ZNF599: variants seen among roughly 807,000 people sequenced by gnomAD.
ZNF599 encodes the protein zinc finger protein 599.
ZNF599 carries 10 observed loss-of-function variants against 11.7 expected under a neutral mutation model. That is an observed-to-expected ratio of 0.86 (90% CI 0.53 to 1.45). The LOEUF is 1.45. Among genes scored for constraint, ZNF599 ranks in the 40% most tolerant of loss-of-function variants. The pLI is 0.00. For missense variants in ZNF599, 688 were observed against 713.6 expected, an observed-to-expected ratio of 0.96 and a Z score of 0.41; for synonymous variants, 232 against 253.2, an observed-to-expected ratio of 0.92 and a Z score of 0.79.
the ZNF599 span, among the ~76,000 whole-genome samples, chr19:34,781,018 C>T: frequency 5.9e-5 from 9 of 151,602 alleles, no homozygotes; most frequent in Non-Finnish European, 8.8e-5. Context: ...TAGCCGGGCG[C>T]GGTGGCGGGC....
At chr19:34,770,941 C>T (rs975446156) in intron 1 of ZNF599, among the ~76,000 whole-genome samples, 4 of 152,132 alleles carry the variant, frequency 2.6e-5, no homozygotes, top group African/African-American at 4.8e-5. Flanking sequence ...TCAGCTGTCG[C>T]CCCCAGGGAT....
At chr19:34,782,890 G>A in the ZNF599 span, among the ~76,000 whole-genome samples, 1 of 152,142 alleles carries the variant, frequency 6.6e-6, no homozygotes. Context: ...GGAGGCTATT[G>A]ACTCCATGAC....
chr19:34,780,436 G>A, the ZNF599 span, among the ~76,000 whole-genome samples: 2 of 152,050 alleles, frequency 1.3e-5, no homozygotes, highest in African/African-American at 4.8e-5. Flanking sequence ...TTGAGCCCAA[G>A]AGGTTGAGGC....
At chr19:34,790,870 A>T in the ZNF599 span, among the ~76,000 whole-genome samples, 1 of 152,320 alleles carries the variant, frequency 6.6e-6, no homozygotes, top group Admixed American at 6.5e-5. Context: ...ATAAATTCAT[A>T]TTATTTGTCA....
chr19:34,759,937 A>C lies in ZNF599; in HGVS notation c.864T>G (p.Cys288Trp). The change falls in exon 4 of 4, where the codon TGT (cysteine) becomes TGG (tryptophan). Residue 288 changes from cysteine (C) to tryptophan (W), a missense_variant. Transcript: ENST00000329285. ...AAGAGCGGTGGGTGAATGCTTTGCCACATTCTTTGCACTCATAGGGCTTAT... is the reference window on the plus strand; with the variant it reads ...AAGAGCGGTGGGTGAATGCTTTGCCCCATTCTTTGCACTCATAGGGCTTAT... The part of the protein sequence containing the change: ...TGDKPYECKE[C>W]GKAFTHRSSF... The C allele has an allele frequency of 6.2e-7, 1 of 1,614,180 alleles. No individual in the cohort carries two copies. The highest frequency in any genetic ancestry group is 8.5e-7 in the Non-Finnish European group (1 of 1,180,030).
At chr19:34,779,343 C>T in the ZNF599 span, 1 of 295,824 alleles carries the variant, frequency 3.4e-6, no homozygotes, top group Non-Finnish European at 6.5e-6. Context: ...TCAAGCGATC[C>T]TACTGCCTTG....
chr19:34,786,899 C>T, the ZNF599 span, among the ~76,000 whole-genome samples: 413 of 152,190 alleles, frequency 2.7e-3, 1 homozygote, highest in Non-Finnish European at 4.6e-3. Context: ...AAGAAAATAC[C>T]ATGCTTTTAG....
the ZNF599 span, among the ~76,000 whole-genome samples, chr19:34,784,034 G>A: frequency 6.6e-6 from 1 of 152,216 alleles, no homozygotes; most frequent in Non-Finnish European, 1.5e-5. Context: ...ATCTCCCAGG[G>A]TTGCTGAATT....
At chr19:34,772,656 G>A (rs2145467232) in intron 1 of ZNF599, 168 bp downstream of exon 1, 2 of 1,421,278 alleles carry the variant, frequency 1.4e-6, no homozygotes, top group Non-Finnish European at 1.8e-6. Context: ...AGGACCCTGG[G>A]TAGGAAGTGA....
At chr19:34,804,419 C>A in the ZNF599 span, among the ~76,000 whole-genome samples, 2 of 152,236 alleles carry the variant, frequency 1.3e-5, no homozygotes, top group Non-Finnish European at 1.5e-5. Context: ...CACACCCAAC[C>A]AGGTGCCCAA....
chr19:34,768,873 T>C lies in ZNF599; in HGVS notation c.145+556A>G, dbSNP rs138634181. On this transcript the variant is annotated intron_variant, in intron 2 of 3. Coordinates refer to ENST00000329285, the MANE Select transcript of ZNF599 (RefSeq NM_001007248.3). ...TCTCAGATAGCATACATCCATGCCATTTGAGAATGTGTCTGTGCTCCCTTT... is the reference window on the plus strand; with the variant it reads ...TCTCAGATAGCATACATCCATGCCACTTGAGAATGTGTCTGTGCTCCCTTT... 2.6e-5 allele frequency among the ~76,000 whole-genome samples: 4 copies of C among 152,266 alleles called. No homozygotes were observed. The East Asian group carries it at 5.8e-4, about 22-fold the overall frequency.
chr19:34,781,631 G>A, the ZNF599 span, among the ~76,000 whole-genome samples: 268 of 152,312 alleles, frequency 1.8e-3, no homozygotes, highest in African/African-American at 5.1e-3. Context: ...TAACAGTGCC[G>A]TGATCTTGCC....
the ZNF599 span, among the ~76,000 whole-genome samples, chr19:34,786,558 T>C: frequency 1.3e-5 from 2 of 152,222 alleles, no homozygotes; most frequent in African/African-American, 4.8e-5. Context: ...ACAGCGCCTA[T>C]GTGGGGTACA....
At chr19:34,803,398 C>T in the ZNF599 span, among the ~76,000 whole-genome samples, 1 of 152,162 alleles carries the variant, frequency 6.6e-6, no homozygotes, top group East Asian at 1.9e-4. Flanking sequence ...CATCACACTG[C>T]AGTATAGGAG....
chr19:34,761,421 G>T (rs2069112917), intron 3 of ZNF599, among the ~76,000 whole-genome samples: 1 of 152,142 alleles, frequency 6.6e-6, no homozygotes, highest in Non-Finnish European at 1.5e-5. Flanking sequence ...AATCTCAATA[G>T]GGTTTTTCAC....
chr19:34,802,451 C>G, the ZNF599 span, among the ~76,000 whole-genome samples: 2 of 152,126 alleles, frequency 1.3e-5, no homozygotes, highest in African/African-American at 2.4e-5. Context: ...AATCCAATGG[C>G]AAAAGAGTGG....
chr19:34,767,514 C>T, intron 2 of ZNF599, 103 bp from the exon 3 acceptor site: 2 of 787,736 alleles, frequency 2.5e-6, no homozygotes, highest in Middle Eastern at 4.8e-4. Context: ...CAATGAAACC[C>T]CAGAAAGGGC....
rs1016397058 is a variant in ZNF599, at chr19:34,773,156, C to A, written c.-315G>T. On this transcript the variant is annotated 5_prime_UTR_variant, in exon 1 of 4. Coordinates refer to ENST00000329285, the MANE Select transcript of ZNF599 (RefSeq NM_001007248.3). ...AGTGGCCCCTGTCTGGCGTTCTACC[C>A]AGTGTAGCGTTGGCAACCACAGCAG... 1.1e-5 allele frequency: 4 copies of A among 369,570 alleles called. No individual in the cohort carries two copies. The highest frequency in any genetic ancestry group is 1.9e-5 in the Non-Finnish European group (4 of 206,302). The allele number at this position is 369,570 out of a possible 1,614,324, so 22.9% of individuals were successfully genotyped here. A position where few individuals can be genotyped will look rare whatever the true frequency, so the allele number is the denominator to read the frequency against.
rs749882789 is a variant in ZNF599 at position 34,759,386 on chromosome 19, G to C, written c.1415C>G (p.Thr472Ser). The change falls in exon 4 of 4, where the codon ACC becomes AGC. Residue 472 changes from threonine to serine, a missense_variant. Coordinates refer to ENST00000329285, the MANE Select transcript of ZNF599 (RefSeq NM_001007248.3). ...HHSVFIRHNR[T>S]HSGQKPLECK... ...CTCCAAGGGTTTTTGTCCACTGTGG[G>C]TCCTATTATGTCGAATAAAAACAGA... is the stretch of plus-strand genomic sequence containing the variant. 1 of 1,613,798 alleles carries C rather than the reference G, an allele frequency of 6.2e-7. No individual in the cohort carries two copies. Among genetic ancestry groups the C allele is most frequent in the Admixed American group, 1.7e-5 (1 of 59,982 alleles).
Sources: gnomAD v4.1 joint callset for allele counts (sites outside exome capture counted in the v4.1 genomes callset) on GRCh38, gnomAD v4.1.1 for gene constraint, MANE v1.5 for transcripts, NCBI Gene and HGNC (gene_info 2026-07-23, HGNC 2026-07-21) for gene names.